Variants in CHD9 observed in about 807,000 individuals in gnomAD.
The protein encoded by CHD9 is ATP-dependent chromatin remodeler CHD9.
A neutral mutation model predicts 316.1 loss-of-function variants in CHD9; 77 were observed. The observed-to-expected ratio is 0.24, with a 90% CI of 0.20 to 0.29. The LOEUF is 0.29. Ranked by LOEUF, CHD9 falls within the 10% of genes least tolerant of loss-of-function variation. The pLI, the probability that CHD9 is intolerant of heterozygous loss-of-function variation, is 1.00. For synonymous variants in CHD9, 1,129 were observed against 1,158.3 expected, an observed-to-expected ratio of 0.97 and a Z score of 0.51; for missense variants, 2,763 against 3,438.1, an observed-to-expected ratio of 0.80 and a Z score of 4.91.
At chr16:53,256,381 C>CTTTTTTTTTTTTTTTTTT (rs1163977563) in intron 19 of CHD9, among the ~76,000 whole-genome samples, 1 of 99,260 alleles carries the variant, frequency 1.0e-5, no homozygotes, top group African/African-American at 4.1e-5. Flanking sequence ...TTTTTCTTTT[C>CTTTTTTTTTTTTTTTTTT]TTTTTTTTTT....
intron 13 of CHD9, among the ~76,000 whole-genome samples, chr16:53,243,932 TC>T (rs1234359453): frequency 2.0e-5 from 3 of 152,134 alleles, no homozygotes; most frequent in African/African-American, 7.2e-5. Flanking sequence ...TCCTTTTTAC[TC>T]CCTGTCCATC....
At chr16:53,267,896 A>G (rs1363989127) in intron 21 of CHD9, 31 bp from the exon 22 acceptor site, 3 of 1,576,694 alleles carry the variant, frequency 1.9e-6, no homozygotes, top group African/African-American at 2.7e-5. Context: ...ACTTGACTCA[A>G]TATCAATGTA....
chr16:53,237,225 T>C (rs1453110410), intron 11 of CHD9, among the ~76,000 whole-genome samples: 2 of 152,178 alleles, frequency 1.3e-5, no homozygotes, highest in Non-Finnish European at 2.9e-5. Flanking sequence ...CTTTGGTAAC[T>C]AGGTCCATTT....
chr16:53,254,504 A>G lies in CHD9; in HGVS notation c.3928A>G (p.Asn1310Asp). ...AVKVYRLVTR[N>D]SYEREMFDRA... ...TAAAGTCTACAGACTGGTAACTCGT[A>G]ACTCATATGAGAGAGAGATGTTTGA... The change falls in exon 18 of 39, where the codon AAC (asparagine) becomes GAC (aspartate). Residue 1310 changes from asparagine (N) to aspartate (D), a missense_variant. Coordinates refer to ENST00000447540, the MANE Select transcript of CHD9 (RefSeq NM_001308319.2). 1 of 1,613,286 alleles carries G rather than the reference A, an allele frequency of 6.2e-7. No homozygotes were observed. Among genetic ancestry groups the G allele is most frequent in the Non-Finnish European group, 8.5e-7 (1 of 1,179,484 alleles).
At chr16:53,203,901 G>C (rs2045655009) in intron 2 of CHD9, among the ~76,000 whole-genome samples, 1 of 150,904 alleles carries the variant, frequency 6.6e-6, no homozygotes, top group African/African-American at 2.4e-5. Flanking sequence ...GCGGGCGCCT[G>C]TAGTCCCAGC....
intron 19 of CHD9, among the ~76,000 whole-genome samples, chr16:53,257,616 G>C (rs559504190): frequency 6.6e-6 from 1 of 152,148 alleles, no homozygotes; most frequent in East Asian, 1.9e-4. Context: ...TTGTCTTTAA[G>C]ATAGAGAAGG....
chr16:53,245,970 A>T lies in CHD9; in HGVS notation c.3454+120A>T. On this transcript the variant is annotated intron_variant, in intron 15 of 38. Coordinates refer to ENST00000447540, the MANE Select transcript of CHD9 (RefSeq NM_001308319.2). The surrounding 1 kb of genome is among the most constrained non-coding windows in gnomAD (Gnocchi z 4.1). ...GACTCTCCACTGTGATATTCTAAGGAATTACAAGTGTTACAGAATCAGAGG... is the reference window on the plus strand; with the variant it reads ...GACTCTCCACTGTGATATTCTAAGGTATTACAAGTGTTACAGAATCAGAGG... 1 of 676,268 alleles carries T rather than the reference A, an allele frequency of 1.5e-6. No homozygotes were observed. The highest frequency in any genetic ancestry group is 3.9e-5 in the South Asian group (1 of 25,722). 41.9% of individuals were successfully genotyped at this position (676,268 alleles called of 1,614,324 possible).
chr16:53,164,747 G>A (rs2042161911), intron 2 of CHD9, among the ~76,000 whole-genome samples: 1 of 151,642 alleles, frequency 6.6e-6, no homozygotes, highest in Admixed American at 6.6e-5. Flanking sequence ...TCCACCTCCT[G>A]GGTTCGAGTG....
In CHD9 at chr16:53,156,255, G is replaced by A; in HGVS notation, c.166G>A (p.Val56Ile). The change falls in exon 2 of 39, where the codon GTT becomes ATT. Residue 56 changes from valine to isoleucine, a missense_variant. By Grantham distance (29) the Val-to-Ile change is conservative (BLOSUM62 3). Coordinates refer to ENST00000447540, the MANE Select transcript of CHD9 (RefSeq NM_001308319.2). ...GTTGCACATAGATTCACTGAACCAT[G>A]TTCAAGGTACTCCAACACATCAGAA... ...EPLHIDSLNH[V>I]QGTPTHQKMT... The A allele has an allele frequency of 1.2e-6, 2 of 1,614,000 alleles. No homozygotes were observed. Among genetic ancestry groups the A allele is most frequent in the Non-Finnish European group, 1.7e-6 (2 of 1,179,890 alleles).
chr16:53,292,720 T>G (rs1024148838), intron 28 of CHD9, 113 bp from the exon 29 acceptor site: 40 of 762,498 alleles, frequency 5.2e-5, no homozygotes, highest in Middle Eastern at 3.6e-4. Flanking sequence ...GAGAAATATG[T>G]TTTTTTTTCC....
At chr16:53,180,966 C>T (rs919456900) in intron 2 of CHD9, among the ~76,000 whole-genome samples, 1 of 151,884 alleles carries the variant, frequency 6.6e-6, no homozygotes, top group African/African-American at 2.4e-5. Flanking sequence ...TGAGCCACCT[C>T]GCCCAGCCTG....
At chr16:53,203,847 C>A (rs1465337237) in intron 2 of CHD9, among the ~76,000 whole-genome samples, 1 of 151,382 alleles carries the variant, frequency 6.6e-6, no homozygotes, top group African/African-American at 2.4e-5. Context: ...CATGGTGAAA[C>A]CCCGTCTCTA....
At chr16:53,224,723 C>T (rs2047507731) in intron 4 of CHD9, among the ~76,000 whole-genome samples, 1 of 152,158 alleles carries the variant, frequency 6.6e-6, no homozygotes, top group Non-Finnish European at 1.5e-5. Flanking sequence ...CCTAATGAGA[C>T]ATTGATAATA....
chr16:53,254,119 G>T (rs1325940360), intron 17 of CHD9, among the ~76,000 whole-genome samples: 3 of 152,182 alleles, frequency 2.0e-5, no homozygotes, highest in Non-Finnish European at 4.4e-5. Context: ...GGAGGTTGCA[G>T]TGAGCCAAGA....
At chr16:53,130,899 T>C (rs2039218518) in intron 1 of CHD9, 1 of 151,738 alleles carries the variant, frequency 6.6e-6, no homozygotes, top group South Asian at 2.1e-4. Context: ...GCGCCGGTGC[T>C]GCCGGAGTGC....
chr16:53,123,475 A>G (rs1004873891), intron 1 of CHD9, among the ~76,000 whole-genome samples: 3 of 151,908 alleles, frequency 2.0e-5, no homozygotes, highest in African/African-American at 7.2e-5. Flanking sequence ...TCTGGCTTTC[A>G]TACTTTTTAT....
At chr16:53,240,944 A>ATT in intron 12 of CHD9, among the ~76,000 whole-genome samples, 1 of 152,282 alleles carries the variant, frequency 6.6e-6, no homozygotes, top group South Asian at 2.1e-4. Context: ...AACTCAAATC[A>ATT]ATCAGATTCA....
chr16:53,197,656 C>G (rs1326570625), intron 2 of CHD9, among the ~76,000 whole-genome samples: 1 of 146,114 alleles, frequency 6.8e-6, no homozygotes, highest in African/African-American at 2.5e-5. Context: ...CGTGAATATT[C>G]TAGCTTTTTT....
At chr16:53,141,846 ATTACT>A (rs1466511891) in intron 1 of CHD9, among the ~76,000 whole-genome samples, 12 of 152,302 alleles carry the variant, frequency 7.9e-5, no homozygotes, top group South Asian at 6.2e-4. Flanking sequence ...TCGTGAAGAC[ATTACT>A]TTATTAAGAG....
Sources: gnomAD v4.1 joint callset for allele counts (sites outside exome capture counted in the v4.1 genomes callset) on GRCh38, gnomAD v4.1.1 for gene constraint, Gnocchi (gnomAD v3.1) non-coding constraint, MANE v1.5 for transcripts, NCBI Gene and HGNC (gene_info 2026-07-23, HGNC 2026-07-21) for gene names.